Variants in KCNQ3 observed in about 807,000 individuals in gnomAD.
KCNQ3 encodes the protein potassium voltage-gated channel subfamily KQT member 3.
Under a neutral mutation model 92.5 loss-of-function variants are expected in KCNQ3, and 30 were observed. That is an observed-to-expected ratio of 0.32 (90% CI 0.24 to 0.44). KCNQ3 has a LOEUF of 0.44. Ranked by LOEUF, KCNQ3 falls within the 20% of genes least tolerant of loss-of-function variation. KCNQ3 has a pLI of 1.00. For synonymous variants in KCNQ3, 450 were observed against 468.8 expected, an observed-to-expected ratio of 0.96 and a Z score of 0.52; for missense variants, 913 against 1,140.3, an observed-to-expected ratio of 0.80 and a Z score of 2.87.
chr8:132,419,308 G>T (rs1820903948), intron 1 of KCNQ3, among the ~76,000 whole-genome samples: 1 of 152,150 alleles, frequency 6.6e-6, no homozygotes, highest in South Asian at 2.1e-4. Context: ...CATTTGTCTG[G>T]ATTTCTGGAT....
chr8:132,298,287 C>A (rs1817108548), intron 1 of KCNQ3, among the ~76,000 whole-genome samples: 1 of 152,140 alleles, frequency 6.6e-6, no homozygotes, highest in African/African-American at 2.4e-5. Flanking sequence ...ACATCCTACA[C>A]AAATAAACAG....
chr8:132,329,857 C>T (rs903403921), intron 1 of KCNQ3, among the ~76,000 whole-genome samples: 2 of 152,172 alleles, frequency 1.3e-5, no homozygotes, highest in Non-Finnish European at 2.9e-5. Flanking sequence ...GGTGTGCCCT[C>T]GCAACTCATG....
At chr8:132,212,542 T>C (rs1215137489) in intron 1 of KCNQ3, among the ~76,000 whole-genome samples, 3 of 152,026 alleles carry the variant, frequency 2.0e-5, no homozygotes, top group African/African-American at 7.2e-5. Context: ...CTTCGGGACA[T>C]GTCCCACTCT....
At chr8:132,294,368 G>T (rs60739100) in intron 1 of KCNQ3, among the ~76,000 whole-genome samples, 3,906 of 152,202 alleles carry the variant, frequency 0.026, 185 homozygotes, top group African/African-American at 0.089. Flanking sequence ...GCAGGGGACT[G>T]GGGGTGTTGC....
rs1393171955 is a variant in KCNQ3 at position 132,127,866 on chromosome 8, T to A, written c.*1396A>T. 1 of 152,254 alleles carries A rather than the reference T, an allele frequency of 6.6e-6. No homozygotes were observed. Among genetic ancestry groups the A allele is most frequent in the African/African-American group, 2.4e-5 (1 of 41,470 alleles). The allele number at this position is 152,254 out of a possible 1,614,324, so 9.4% of individuals were successfully genotyped here. On this transcript the variant is annotated 3_prime_UTR_variant, in exon 15 of 15. Transcript: ENST00000388996. ...CTTCCCAGGCTGTCTGCTTACATTT[T>A]AGCTTGTCTTACGGTTACATATGGT... is the stretch of plus-strand genomic sequence containing the variant.
intron 4 of KCNQ3, among the ~76,000 whole-genome samples, chr8:132,179,229 T>C (rs1473344689): frequency 6.6e-6 from 1 of 151,716 alleles, no homozygotes; most frequent in African/African-American, 2.4e-5. Flanking sequence ...AGCAGTACCA[T>C]GAATCTAAAT....
intron 1 of KCNQ3, among the ~76,000 whole-genome samples, chr8:132,320,823 T>C (rs1310990233): frequency 1.3e-5 from 2 of 152,180 alleles, no homozygotes; most frequent in African/African-American, 2.4e-5. Context: ...CCTGATCATG[T>C]TTGCCACTTC....
At chr8:132,413,499 C>T (rs1393032391) in intron 1 of KCNQ3, among the ~76,000 whole-genome samples, 1 of 152,208 alleles carries the variant, frequency 6.6e-6, no homozygotes, top group Non-Finnish European at 1.5e-5. Context: ...ATGTAGCACA[C>T]ACACCACTTT....
intron 1 of KCNQ3, among the ~76,000 whole-genome samples, chr8:132,235,553 G>A (rs2130386778): frequency 6.6e-6 from 1 of 152,248 alleles, no homozygotes; most frequent in East Asian, 1.9e-4. Context: ...GCTAACTGGA[G>A]AGAGACTTAC....
chr8:132,396,254 T>C (rs772086039), intron 1 of KCNQ3, among the ~76,000 whole-genome samples: 1 of 152,128 alleles, frequency 6.6e-6, no homozygotes, highest in Non-Finnish European at 1.5e-5. Context: ...GGGTCTCCCA[T>C]CCAGTTTCCA....
At chr8:132,182,374 TG>T (rs1826814189) in intron 3 of KCNQ3, among the ~76,000 whole-genome samples, 1 of 152,236 alleles carries the variant, frequency 6.6e-6, no homozygotes, top group Admixed American at 6.5e-5. Flanking sequence ...ATCATGTTCA[TG>T]GGCGTGATAA....
At chr8:132,452,388 T>C (rs529928936) in intron 1 of KCNQ3, among the ~76,000 whole-genome samples, 1 of 152,318 alleles carries the variant, frequency 6.6e-6, no homozygotes, top group East Asian at 1.9e-4. Flanking sequence ...CCTCATGTCC[T>C]CAGGGTTCAT....
Position 132,126,435 on chromosome 8 carries a change from TG to T in KCNQ3, c.*2826del, listed in dbSNP as rs1824669283. The T allele has an allele frequency of 1.3e-5, 2 of 152,198 alleles. No homozygotes were observed. The highest frequency in any genetic ancestry group is 2.9e-5 in the Non-Finnish European group (2 of 68,040). 9.4% of individuals were successfully genotyped at this position (152,198 alleles called of 1,614,324 possible). A position where few individuals can be genotyped will look rare whatever the true frequency, so the allele number is the denominator to read the frequency against. ...TGTGCATAGGCAACTTGAGCAGGTT[TG>T]GTTTGCCTTTCTGGAATATATTTTT... is the stretch of plus-strand genomic sequence containing the variant. On this transcript the variant is annotated 3_prime_UTR_variant, in exon 15 of 15. Transcript: ENST00000388996.
At chr8:132,171,001 G>C (rs990755389) in intron 7 of KCNQ3, among the ~76,000 whole-genome samples, 1 of 151,956 alleles carries the variant, frequency 6.6e-6, no homozygotes, top group Non-Finnish European at 1.5e-5. Flanking sequence ...CCTGGGTATA[G>C]AGTAAAAGAC....
At chr8:132,344,966 G>C (rs970864933) in intron 1 of KCNQ3, among the ~76,000 whole-genome samples, 1 of 152,130 alleles carries the variant, frequency 6.6e-6, no homozygotes, top group Non-Finnish European at 1.5e-5. Context: ...GAGATAGAGT[G>C]ACCAGTCTCT....
chr8:132,412,525 A>C (rs1189377160), intron 1 of KCNQ3, among the ~76,000 whole-genome samples: 3 of 152,200 alleles, frequency 2.0e-5, no homozygotes, highest in African/African-American at 7.2e-5. Flanking sequence ...AGGAAACAGA[A>C]ATTCTTTTGC....
rs1260241210 is a variant in KCNQ3 at position 132,419,941 on chromosome 8, AC to A, written c.386+60205del. ...CACTCCCACGTTGGAATACATGGGT[AC>A]TGTCTCAGTCAGTTTGGGCTGTTAT... On this transcript the variant is annotated intron_variant, in intron 1 of 14. Transcript: ENST00000388996. Among the ~76,000 whole-genome samples, 4 of 152,216 alleles carry A rather than the reference AC, an allele frequency of 2.6e-5. 1 individual carries two copies. The highest frequency in any genetic ancestry group is 9.6e-5 in the African/African-American group (4 of 41,462).
intron 1 of KCNQ3, among the ~76,000 whole-genome samples, chr8:132,213,988 G>A: frequency 6.6e-6 from 1 of 152,148 alleles, no homozygotes; most frequent in East Asian, 1.9e-4. Context: ...TACACAGAAT[G>A]ACTCAGAACA....
At chr8:132,372,759 C>CAAA (rs749955464) in intron 1 of KCNQ3, among the ~76,000 whole-genome samples, 936 of 67,454 alleles carry the variant, frequency 0.014, 124 homozygotes, top group African/African-American at 0.039. Context: ...GACTTTGTCT[C>CAAA]AAAAAAAAAA....
Sources: gnomAD v4.1 joint callset for allele counts (sites outside exome capture counted in the v4.1 genomes callset) on GRCh38, gnomAD v4.1.1 for gene constraint, MANE v1.5 for transcripts, NCBI Gene and HGNC (gene_info 2026-07-23, HGNC 2026-07-21) for gene names.